Variants in ALK observed in about 807,000 individuals in gnomAD.
The protein encoded by ALK is ALK receptor tyrosine kinase.
A neutral mutation model predicts 163.1 loss-of-function variants in ALK; 74 were observed. The ratio of observed to expected loss-of-function variants is 0.45; its 90% CI spans 0.38 to 0.55. ALK has a LOEUF of 0.55. ALK is among the 20% of genes least tolerant of loss of function. The pLI is 0.00. For synonymous variants in ALK, 960 were observed against 843.2 expected (o/e 1.14, Z -2.40); for missense variants, 2,063 against 2,105.3 (o/e 0.98, Z 0.39).
chr2:29,493,983 ATATACTGGC>A (rs1023784373), intron 4 of ALK, among the ~76,000 whole-genome samples: 15 of 152,194 alleles, frequency 9.9e-5, no homozygotes, highest in African/African-American at 3.6e-4. Flanking sequence ...ATGCAGAAAG[ATATACTGGC>A]TCTCCACTAA....
intron 1 of ALK, among the ~76,000 whole-genome samples, chr2:29,768,005 G>A (rs1278259641): frequency 6.6e-6 from 1 of 152,234 alleles, no homozygotes; most frequent in African/African-American, 2.4e-5. Flanking sequence ...GCCTAGAACA[G>A]TCTTTGCTAT....
chr2:29,617,803 G>A (rs528020524), intron 3 of ALK, among the ~76,000 whole-genome samples: 1 of 152,282 alleles, frequency 6.6e-6, no homozygotes, highest in South Asian at 2.1e-4. Context: ...TCTAACAAGT[G>A]TCAGAATAAC....
intron 1 of ALK, among the ~76,000 whole-genome samples, chr2:29,760,774 A>G (rs1680678512): frequency 6.6e-6 from 1 of 152,200 alleles, no homozygotes. Flanking sequence ...CTGGAACCCA[A>G]CCATGCAGAG....
rs551120548 is a variant in ALK at position 29,384,955 on chromosome 2, G to A, written c.1155-1096C>T. 2.6e-5 allele frequency among the ~76,000 whole-genome samples: 4 copies of A among 152,084 alleles called. No homozygotes were observed. The South Asian group carries it at 8.3e-4, about 32-fold the overall frequency. Reference sequence around the variant, plus strand: ...GGTCCCAGCTACTAGGGAGGCTGAGGCAGGAGAATCACTTGAACCAGGGAG... The same window carrying A: ...GGTCCCAGCTACTAGGGAGGCTGAGACAGGAGAATCACTTGAACCAGGGAG... On this transcript the variant is annotated intron_variant, in intron 4 of 28. Coordinates refer to ENST00000389048, the MANE Select transcript of ALK (RefSeq NM_004304.5).
intron 3 of ALK, among the ~76,000 whole-genome samples, chr2:29,610,657 G>C (rs1675666095): frequency 6.6e-6 from 1 of 152,106 alleles, no homozygotes; most frequent in Non-Finnish European, 1.5e-5. Context: ...CAAGATCATA[G>C]CTCTACAAAA....
chr2:29,262,483 A>G (rs1250969971), intron 11 of ALK, among the ~76,000 whole-genome samples: 1 of 152,230 alleles, frequency 6.6e-6, no homozygotes, highest in African/African-American at 2.4e-5. Context: ...TTCTTTGTGT[A>G]TGATGAGAAG....
intron 1 of ALK, among the ~76,000 whole-genome samples, chr2:29,906,444 AGAG>A (rs1179364037): frequency 6.6e-6 from 1 of 152,208 alleles, no homozygotes; most frequent in East Asian, 1.9e-4. Flanking sequence ...TAGGAGAGAA[AGAG>A]GAGGAGAATG....
chr2:29,197,508 G>T, intron 27 of ALK, 34 bp downstream of exon 27: 1 of 1,611,368 alleles, frequency 6.2e-7, no homozygotes, highest in Non-Finnish European at 8.5e-7. Context: ...AAACTGCTTA[G>T]TAACTAGCAG....
chr2:29,848,768 G>C (rs922378890), intron 1 of ALK, among the ~76,000 whole-genome samples: 1 of 152,086 alleles, frequency 6.6e-6, no homozygotes, highest in Non-Finnish European at 1.5e-5. Context: ...CATATCCTGC[G>C]GGCTGTTGGC....
intron 4 of ALK, among the ~76,000 whole-genome samples, chr2:29,460,683 C>T (rs1671064119): frequency 6.6e-6 from 1 of 152,114 alleles, no homozygotes; most frequent in South Asian, 2.1e-4. Context: ...TGTTGTCTGA[C>T]TGCTCCACCG....
chr2:29,697,574 CA>C (rs1358121067), intron 2 of ALK, among the ~76,000 whole-genome samples: 1 of 152,142 alleles, frequency 6.6e-6, no homozygotes, highest in Non-Finnish European at 1.5e-5. Context: ...CAGAAGATGC[CA>C]AGATGCAAAA....
At chr2:29,764,225 G>T (rs559198732) in intron 1 of ALK, among the ~76,000 whole-genome samples, 1 of 152,158 alleles carries the variant, frequency 6.6e-6, no homozygotes, top group African/African-American at 2.4e-5. Context: ...TGACTGCAGG[G>T]CTGTCTGAGT....
At position 29,765,456 on chromosome 2, in the gene ALK, C is replaced by T. The variant is rs564778550; in HGVS notation, c.668-47759G>A. 2.6e-5 allele frequency among the ~76,000 whole-genome samples: 4 copies of T among 152,116 alleles called. No homozygotes were observed. In the South Asian group the frequency reaches 6.2e-4, roughly 24 times the overall value. On this transcript the variant is annotated intron_variant, in intron 1 of 28. Transcript: ENST00000389048. ...ATCATGATGCTGCTATCAGAGTGAGCTTGCTTTTATTTTTCTTTTTATTTA... is the reference window on the plus strand; with the variant it reads ...ATCATGATGCTGCTATCAGAGTGAGTTTGCTTTTATTTTTCTTTTTATTTA...
At chr2:29,656,956 C>T (rs1290978166) in intron 3 of ALK, among the ~76,000 whole-genome samples, 1 of 152,192 alleles carries the variant, frequency 6.6e-6, no homozygotes, top group African/African-American at 2.4e-5. Context: ...CCCTCTTCTG[C>T]TTCCTCACTT....
chr2:29,827,751 C>G (rs978615108), intron 1 of ALK, among the ~76,000 whole-genome samples: 1 of 152,096 alleles, frequency 6.6e-6, no homozygotes, highest in Non-Finnish European at 1.5e-5. Flanking sequence ...CCAAGGTAAT[C>G]TATAGATTCA....
intron 12 of ALK, among the ~76,000 whole-genome samples, chr2:29,245,329 C>T (rs1246677203): frequency 2.8e-5 from 3 of 106,990 alleles, no homozygotes; most frequent in South Asian, 3.4e-4. Context: ...AGTAGGGGCT[C>T]CATGGCTCAG....
At chr2:29,914,899 C>T (rs1448286991) in intron 1 of ALK, among the ~76,000 whole-genome samples, 1 of 152,184 alleles carries the variant, frequency 6.6e-6, no homozygotes, top group Admixed American at 6.5e-5. Flanking sequence ...AGGTGTATAC[C>T]ATTTTGTGCT....
chr2:29,883,879 TTATG>T (rs1666926094), intron 1 of ALK, among the ~76,000 whole-genome samples: 1 of 152,138 alleles, frequency 6.6e-6, no homozygotes, highest in African/African-American at 2.4e-5. Flanking sequence ...TAAGAAAAAG[TTATG>T]TATGTTATGA....
chr2:29,224,156 T>C (rs532967665), intron 19 of ALK, among the ~76,000 whole-genome samples: 1 of 152,322 alleles, frequency 6.6e-6, no homozygotes, highest in Non-Finnish European at 1.5e-5. Flanking sequence ...AGGGTGCAGC[T>C]GGGATCTTGG....
Sources: allele counts gnomAD v4.1 joint callset (sites outside exome capture counted in the v4.1 genomes callset), GRCh38; gene constraint gnomAD v4.1.1; transcripts MANE v1.5; gene names NCBI Gene and HGNC (gene_info 2026-07-23, HGNC 2026-07-21).